PTPRD: variants seen among roughly 807,000 people sequenced by gnomAD.
PTPRD encodes the protein receptor-type tyrosine-protein phosphatase delta.
Under a neutral mutation model 214.5 loss-of-function variants are expected in PTPRD, and 34 were observed. The observed-to-expected ratio is 0.16, with a 90% CI of 0.12 to 0.21. The LOEUF (loss-of-function observed/expected upper bound fraction) is 0.21. PTPRD is among the 10% of genes least tolerant of loss of function. The pLI, the probability that PTPRD is intolerant of heterozygous loss-of-function variation, is 1.00. For missense variants in PTPRD, 2,545 were observed against 2,398.7 expected, an observed-to-expected ratio of 1.06 and a Z score of -1.27; for synonymous variants, 1,128 against 845.7, an observed-to-expected ratio of 1.33 and a Z score of -5.79.
At chr9:10,159,002 A>T (rs191340091) in intron 3 of PTPRD, among the ~76,000 whole-genome samples, 224 of 152,218 alleles carry the variant, frequency 1.5e-3, no homozygotes, top group African/African-American at 5.0e-3. Context: ...ATGTTGTAGG[A>T]GGTTTGTTCC....
chr9:8,727,714 G>T (rs866745060), intron 12 of PTPRD, among the ~76,000 whole-genome samples: 1 of 152,080 alleles, frequency 6.6e-6, no homozygotes, highest in Admixed American at 6.6e-5. Context: ...GCAGTGCAGT[G>T]ATGTCATCCT....
In PTPRD at chr9:10,173,860, T is replaced by C. The variant is rs561110339; in HGVS notation, c.-544-140070A>G. On this transcript the variant is annotated intron_variant, in intron 3 of 45. Transcript: ENST00000381196. Reference sequence around the variant, plus strand: ...CTTGAGCCTTGTAGTCTCACACAAATAGTTAAACCTTGAATGTTAAATTTT... The same window carrying C: ...CTTGAGCCTTGTAGTCTCACACAAACAGTTAAACCTTGAATGTTAAATTTT... 2.0e-5 allele frequency among the ~76,000 whole-genome samples: 3 copies of C among 151,992 alleles called. 1 individual carries two copies. The South Asian group carries it at 6.2e-4, about 32-fold the overall frequency.
At position 8,315,115 on chromosome 9, in the gene PTPRD, G is replaced by A. The variant is rs77595418; in HGVS notation, c.*2759C>T. 5,414 of 232,454 alleles carry A rather than the reference G, an allele frequency of 0.023. 285 individuals carry two copies. Among genetic ancestry groups the A allele is most frequent in the African/African-American group, 0.11 (5,003 of 45,276 alleles). 14.4% of individuals were successfully genotyped at this position (232,454 alleles called of 1,614,324 possible). On this transcript the variant is annotated 3_prime_UTR_variant, in exon 46 of 46. Transcript: ENST00000381196. ...GGAAACTTGAAAGCTTGTGGTAATG[G>A]CAGATAAAGATGGTTCACCTGGGAA...
intron 2 of PTPRD, among the ~76,000 whole-genome samples, chr9:10,367,991 T>C (rs2097544862): frequency 6.6e-6 from 1 of 152,132 alleles, no homozygotes; most frequent in African/African-American, 2.4e-5. Flanking sequence ...TTAATTACTA[T>C]CATTTTTATG....
chr9:9,664,745 G>C (rs2096684308), intron 7 of PTPRD, among the ~76,000 whole-genome samples: 1 of 151,758 alleles, frequency 6.6e-6, no homozygotes, highest in African/African-American at 2.4e-5. Context: ...GAGTCTTGCA[G>C]TCCATGTCAT....
At chr9:9,858,060 C>T (rs1408118) in intron 5 of PTPRD, among the ~76,000 whole-genome samples, 19,972 of 152,208 alleles carry the variant, frequency 0.13, 1,676 homozygotes, top group Non-Finnish European at 0.18. Flanking sequence ...GAACTTGATA[C>T]TCTTTTCCTT....
chr9:10,192,225 G>T (rs2099366914), intron 3 of PTPRD, among the ~76,000 whole-genome samples: 1 of 152,032 alleles, frequency 6.6e-6, no homozygotes, highest in African/African-American at 2.4e-5. Flanking sequence ...GTGAAAGGAA[G>T]TGAAGATTTT....
chr9:9,205,720 A>G (rs2099944443), intron 9 of PTPRD, among the ~76,000 whole-genome samples: 1 of 152,178 alleles, frequency 6.6e-6, no homozygotes, highest in African/African-American at 2.4e-5. Context: ...CAGTATAACT[A>G]TCTATTTATC....
At chr9:9,322,754 C>G (rs1035429088) in intron 9 of PTPRD, among the ~76,000 whole-genome samples, 5 of 152,034 alleles carry the variant, frequency 3.3e-5, no homozygotes, top group Non-Finnish European at 7.4e-5. Context: ...CTTCAAGGGT[C>G]TATGACATCT....
At chr9:9,466,356 C>T (rs1006621508) in intron 8 of PTPRD, among the ~76,000 whole-genome samples, 11 of 152,056 alleles carry the variant, frequency 7.2e-5, no homozygotes, top group Non-Finnish European at 1.5e-4. Flanking sequence ...ATCTTCTTCC[C>T]AGATCAGTGT....
At chr9:9,554,605 C>T (rs928397947) in intron 8 of PTPRD, among the ~76,000 whole-genome samples, 5 of 151,902 alleles carry the variant, frequency 3.3e-5, no homozygotes, top group East Asian at 1.9e-4. Flanking sequence ...AGATATTGGT[C>T]GTTGTTTGGC....
chr9:9,017,133 T>C lies in PTPRD; in HGVS notation c.-104+1564A>G, dbSNP rs2099539164. On this transcript the variant is annotated intron_variant, in intron 11 of 45. Transcript: ENST00000381196. Reference sequence around the variant, plus strand: ...TTATCATCGCAACAAAGACCCTTTGTTGCGATGATAAATGATTAATACATA... The same window carrying C: ...TTATCATCGCAACAAAGACCCTTTGCTGCGATGATAAATGATTAATACATA... Among the ~76,000 whole-genome samples the C allele has an allele frequency of 2.6e-5, 4 of 152,160 alleles. No individual in the cohort carries two copies. The South Asian group carries it at 8.3e-4, about 32-fold the overall frequency.
At chr9:10,013,481 G>A (rs920518456) in intron 4 of PTPRD, among the ~76,000 whole-genome samples, 1 of 151,530 alleles carries the variant, frequency 6.6e-6, no homozygotes, top group African/African-American at 2.4e-5. Context: ...TACCAAAAGG[G>A]CAGGAAACAG....
intron 2 of PTPRD, among the ~76,000 whole-genome samples, chr9:10,502,863 T>C (rs1343916190): frequency 2.0e-5 from 3 of 152,080 alleles, no homozygotes; most frequent in Non-Finnish European, 2.9e-5. Flanking sequence ...AGATAATTTA[T>C]ATGGTTAATT....
At chr9:10,360,915 A>T (rs896967899) in intron 2 of PTPRD, among the ~76,000 whole-genome samples, 7 of 152,118 alleles carry the variant, frequency 4.6e-5, no homozygotes, top group African/African-American at 1.7e-4. Flanking sequence ...ATCCTGGCTA[A>T]CACGATGAAA....
At chr9:8,934,473 A>ATATATATT in intron 11 of PTPRD, among the ~76,000 whole-genome samples, 2 of 12,496 alleles carry the variant, frequency 1.6e-4, no homozygotes, top group South Asian at 4.4e-3. Context: ...AAATATATAT[A>ATATATATT]TATAAATATA....
chr9:8,800,345 T>C (rs2096546529), intron 11 of PTPRD, among the ~76,000 whole-genome samples: 1 of 152,112 alleles, frequency 6.6e-6, no homozygotes, highest in Admixed American at 6.5e-5. Context: ...GGTAAAACAA[T>C]GCTGAGAACT....
intron 12 of PTPRD, among the ~76,000 whole-genome samples, chr9:8,704,420 G>T (rs779364325): frequency 6.6e-6 from 1 of 152,150 alleles, no homozygotes; most frequent in Non-Finnish European, 1.5e-5. Flanking sequence ...AGGAAAAAAA[G>T]GAATAGGCTT....
chr9:9,722,786 T>A (rs2097985149), intron 7 of PTPRD, among the ~76,000 whole-genome samples: 1 of 152,070 alleles, frequency 6.6e-6, no homozygotes, highest in South Asian at 2.1e-4. Context: ...ACCTTGTGGT[T>A]TTGATTTGCC....
Sources: gnomAD v4.1 joint callset for allele counts (sites outside exome capture counted in the v4.1 genomes callset) on GRCh38, gnomAD v4.1.1 for gene constraint, MANE v1.5 for transcripts, NCBI Gene and HGNC (gene_info 2026-07-23, HGNC 2026-07-21) for gene names.